The following TNR variants were observed in gnomAD, a reference collection of about 807,000 sequenced individuals.
TNR encodes the protein tenascin-R.
In TNR, 45 loss-of-function variants were observed where a neutral mutation model predicts 150.4. The ratio of observed to expected loss-of-function variants is 0.30; its 90% confidence interval spans 0.24 to 0.38. TNR has a LOEUF of 0.38. Among genes scored for constraint, TNR ranks in the 10% least tolerant of loss-of-function variants. TNR has a pLI of 1.00. For synonymous variants in TNR, 687 were observed against 678.4 expected (o/e 1.01, Z -0.20); for missense variants, 1,544 against 1,759.1 (o/e 0.88, Z 2.19).
At chr1:175,525,548 C>G (rs1659814150) in intron 2 of TNR, among the ~76,000 whole-genome samples, 1 of 152,190 alleles carries the variant, frequency 6.6e-6, no homozygotes, top group Non-Finnish European at 1.5e-5. Flanking sequence ...TGAAACCCCT[C>G]AAGAGTTCCT....
intron 1 of TNR, among the ~76,000 whole-genome samples, chr1:175,566,574 G>C (rs1324515445): frequency 1.3e-5 from 2 of 152,232 alleles, no homozygotes; most frequent in African/African-American, 4.8e-5. Flanking sequence ...GTGAGAAAGG[G>C]GGTTCAGCTG....
intron 1 of TNR, among the ~76,000 whole-genome samples, chr1:175,557,475 C>T (rs963597452): frequency 6.6e-6 from 1 of 152,134 alleles, no homozygotes; most frequent in Non-Finnish European, 1.5e-5. Flanking sequence ...CCCTAACATC[C>T]CTTTTGCAGA....
chr1:175,393,141 A>G (rs912608517), intron 6 of TNR, among the ~76,000 whole-genome samples: 1 of 152,248 alleles, frequency 6.6e-6, no homozygotes, highest in Non-Finnish European at 1.5e-5. Flanking sequence ...ACCTGTGGCA[A>G]TTCGGAAAAG....
chr1:175,354,156 TCTTTA>T (rs1651205241), intron 18 of TNR, among the ~76,000 whole-genome samples: 4 of 152,220 alleles, frequency 2.6e-5, no homozygotes, highest in Non-Finnish European at 5.9e-5. Context: ...GAACCTGATG[TCTTTA>T]CTTGGTGCAT....
chr1:175,421,598 C>T (rs1654757823), intron 2 of TNR, among the ~76,000 whole-genome samples: 1 of 152,086 alleles, frequency 6.6e-6, no homozygotes, highest in Non-Finnish European at 1.5e-5. Flanking sequence ...TAGTCTAGAC[C>T]CACAAATGTG....
At chr1:175,552,788 T>C (rs906319206) in intron 1 of TNR, among the ~76,000 whole-genome samples, 1 of 152,224 alleles carries the variant, frequency 6.6e-6, no homozygotes, top group South Asian at 2.1e-4. Flanking sequence ...ATTACTCCCG[T>C]TCTGACTTTT....
intron 2 of TNR, among the ~76,000 whole-genome samples, chr1:175,500,314 C>A (rs373902242): frequency 6.6e-6 from 1 of 152,178 alleles, no homozygotes; most frequent in Non-Finnish European, 1.5e-5. Flanking sequence ...TCAGGCCTTA[C>A]AAGTCACGTT....
At chr1:175,740,351 A>G (rs1394814979) in intron 1 of TNR, among the ~76,000 whole-genome samples, 1 of 152,246 alleles carries the variant, frequency 6.6e-6, no homozygotes, top group African/African-American at 2.4e-5. Context: ...TTTGGGGTAT[A>G]CAAGTGTACA....
At chr1:175,670,631 G>A (rs1023853542) in intron 1 of TNR, among the ~76,000 whole-genome samples, 4 of 152,144 alleles carry the variant, frequency 2.6e-5, no homozygotes, top group East Asian at 1.9e-4. Flanking sequence ...GACAAGAGGA[G>A]CAGCTGCATA....
At chr1:175,740,186 T>A (rs1667885922) in intron 1 of TNR, among the ~76,000 whole-genome samples, 2 of 152,170 alleles carry the variant, frequency 1.3e-5, no homozygotes, top group Non-Finnish European at 1.5e-5. Flanking sequence ...ACATACCACA[T>A]CTATTAAGTA....
intron 1 of TNR, among the ~76,000 whole-genome samples, chr1:175,674,746 G>T (rs1422127572): frequency 1.3e-5 from 2 of 152,138 alleles, no homozygotes; most frequent in Non-Finnish European, 1.5e-5. Flanking sequence ...TCCTCCCCAG[G>T]TTCCCTCTGC....
At chr1:175,411,891 T>A (rs1221640447) in intron 2 of TNR, among the ~76,000 whole-genome samples, 1 of 152,162 alleles carries the variant, frequency 6.6e-6, no homozygotes, top group Admixed American at 6.5e-5. Context: ...TGGGTCAAGC[T>A]AAGCATTTTC....
intron 8 of TNR, among the ~76,000 whole-genome samples, chr1:175,384,936 A>G (rs1279239933): frequency 6.6e-6 from 1 of 152,178 alleles, no homozygotes; most frequent in Non-Finnish European, 1.5e-5. Context: ...CAGGGGTGTT[A>G]TTTATTTATT....
intron 1 of TNR, among the ~76,000 whole-genome samples, chr1:175,724,047 C>T (rs1036673322): frequency 6.6e-6 from 1 of 151,992 alleles, no homozygotes; most frequent in Non-Finnish European, 1.5e-5. Flanking sequence ...TTTATAAATT[C>T]TAAACCCTCC....
intron 2 of TNR, among the ~76,000 whole-genome samples, chr1:175,465,545 A>T (rs1198121771): frequency 6.6e-6 from 1 of 152,198 alleles, no homozygotes; most frequent in African/African-American, 2.4e-5. Context: ...CTTGTTTCCC[A>T]GTCTCTTCAT....
chr1:175,604,032 T>C (rs1242374294), intron 1 of TNR, among the ~76,000 whole-genome samples: 4 of 151,612 alleles, frequency 2.6e-5, no homozygotes, highest in Middle Eastern at 3.2e-3. Context: ...TGAAGACCCA[T>C]CAGACCCTGA....
At chr1:175,366,783 A>G (rs1041743444) in intron 10 of TNR, among the ~76,000 whole-genome samples, 1 of 152,250 alleles carries the variant, frequency 6.6e-6, no homozygotes, top group Admixed American at 6.5e-5. Flanking sequence ...TTCTGCCCTC[A>G]GATTTAATGG....
chr1:175,412,198 G>T (rs1008007464), intron 2 of TNR, among the ~76,000 whole-genome samples: 1 of 152,206 alleles, frequency 6.6e-6, no homozygotes, highest in African/African-American at 2.4e-5. Flanking sequence ...CCCAGATTTT[G>T]CTGACCATGG....
chr1:175,718,368 G>A (rs1268939917), intron 1 of TNR, among the ~76,000 whole-genome samples: 1 of 152,180 alleles, frequency 6.6e-6, no homozygotes, highest in African/African-American at 2.4e-5. Context: ...GATTAGAAGA[G>A]TCCTTTATCC....
Sources: allele counts gnomAD v4.1 joint callset (sites outside exome capture counted in the v4.1 genomes callset), GRCh38; gene constraint gnomAD v4.1.1; transcripts MANE v1.5; gene names NCBI Gene and HGNC (gene_info 2026-07-23, HGNC 2026-07-21).